The following CDKN2B-AS1 variants were observed in gnomAD, a reference collection of about 807,000 sequenced individuals.
CDKN2B-AS1 encodes CDKN2B and CDKN2A antisense cis and trans regulatory RNA 1, also known as CDKN2B antisense RNA 1 (non-protein coding).
intron 4 of CDKN2B-AS1, among the ~76,000 whole-genome samples, chr9:22,096,089 A>G (rs971958894): frequency 6.6e-6 from 1 of 152,260 alleles, no homozygotes; most frequent in Non-Finnish European, 1.5e-5. Context: ...TAGATAGGAG[A>G]TAGGGGTAGG....
rs1335552403 is a variant in CDKN2B-AS1, at chr9:22,081,893, T to C, written n.438+25506T>C. On this transcript the variant is annotated intron_variant and non_coding_transcript_variant, in intron 4 of 4. Transcript: ENST00000650946. ...TTTTGGGGTTGTTGTGTTCTACAAA[T>C]GTATTTTCCCAGGAGTTTTTTTTAC... Among the ~76,000 whole-genome samples the C allele has an allele frequency of 2.0e-5, 3 of 152,248 alleles. No individual in the cohort carries two copies. In the East Asian group the frequency reaches 5.8e-4, roughly 29 times the overall value.
At chr9:22,066,358 G>GT (rs1306252525) in intron 4 of CDKN2B-AS1, 1 of 151,638 alleles carries the variant, frequency 6.6e-6, no homozygotes, top group Admixed American at 6.6e-5. Context: ...TGCATGGTTA[G>GT]TTTTTTAATT....
intron 4 of CDKN2B-AS1, among the ~76,000 whole-genome samples, chr9:22,109,393 C>T (rs1825743543): frequency 6.6e-6 from 1 of 152,178 alleles, no homozygotes; most frequent in Non-Finnish European, 1.5e-5. Context: ...AAATCGCTGT[C>T]TCCCCTGACT....
chr9:22,054,690 ATTT>A (rs1223735603), intron 3 of CDKN2B-AS1, among the ~76,000 whole-genome samples: 1 of 149,310 alleles, frequency 6.7e-6, no homozygotes, highest in East Asian at 1.9e-4. Flanking sequence ...TTATTTTTTT[ATTT>A]TTTATTTATT....
At chr9:22,099,208 G>A (rs1241880410) in intron 4 of CDKN2B-AS1, among the ~76,000 whole-genome samples, 1 of 152,142 alleles carries the variant, frequency 6.6e-6, no homozygotes, top group African/African-American at 2.4e-5. Context: ...CTCCATTTTT[G>A]AGGAATAGCC....
chr9:22,067,152 A>G (rs887144513), intron 4 of CDKN2B-AS1, among the ~76,000 whole-genome samples: 4 of 152,054 alleles, frequency 2.6e-5, no homozygotes, highest in African/African-American at 9.7e-5. Flanking sequence ...AACATAGCAC[A>G]TGTATACATA....
chr9:22,105,585 A>G (rs1216461655), intron 4 of CDKN2B-AS1, among the ~76,000 whole-genome samples: 2 of 152,134 alleles, frequency 1.3e-5, no homozygotes, highest in Non-Finnish European at 2.9e-5. Context: ...TATGTCTGAA[A>G]AGAGAGACTC....
chr9:22,012,434 A>G, intron 1 of CDKN2B-AS1: 1 of 730,040 alleles, frequency 1.4e-6, no homozygotes. Context: ...CTGAAACAAG[A>G]TGATCTGCCA....
chr9:22,096,349 C>G (rs1825274331), intron 4 of CDKN2B-AS1: 1 of 152,188 alleles, frequency 6.6e-6, no homozygotes, highest in African/African-American at 2.4e-5. Context: ...TCATTCCTGA[C>G]TATGAACTTG....
intron 1 of CDKN2B-AS1, among the ~76,000 whole-genome samples, chr9:22,032,158 G>A (rs1453563492): frequency 2.0e-5 from 3 of 152,012 alleles, no homozygotes; most frequent in Admixed American, 6.6e-5. Context: ...TTTTTTGGGG[G>A]GAGAATGGTC....
chr9:22,041,976 A>T (rs186818810), intron 1 of CDKN2B-AS1, among the ~76,000 whole-genome samples: 1 of 152,116 alleles, frequency 6.6e-6, no homozygotes. Context: ...GCAGATTTGG[A>T]TGGTGAGAGC....
intron 1 of CDKN2B-AS1, among the ~76,000 whole-genome samples, chr9:21,998,937 TATAA>T (rs1377248076): frequency 2.0e-5 from 3 of 152,256 alleles, no homozygotes; most frequent in East Asian, 3.9e-4. Flanking sequence ...TACTAGACTA[TATAA>T]ATAAATACAT....
chr9:22,017,082 CT>C (rs891248899), intron 1 of CDKN2B-AS1, among the ~76,000 whole-genome samples: 2 of 152,122 alleles, frequency 1.3e-5, no homozygotes, highest in Non-Finnish European at 2.9e-5. Flanking sequence ...ATAATATTAA[CT>C]TTTTTTCAAA....
At chr9:22,054,681 TA>T (rs1823482652) in intron 3 of CDKN2B-AS1, among the ~76,000 whole-genome samples, 3 of 150,838 alleles carry the variant, frequency 2.0e-5, no homozygotes, top group South Asian at 4.1e-4. Context: ...TTTTTATTTT[TA>T]TTTTTTTATT....
rs1201794211 is a variant in CDKN2B-AS1, at chr9:22,061,176, TG to T, written n.438+4791del. On this transcript the variant is annotated intron_variant and non_coding_transcript_variant, in intron 4 of 4. Transcript: ENST00000650946. ...AACATTGGGGGAGAACTGAAATATT[TG>T]GCAAACAGCAACCATGACCATCACA... 5.3e-5 allele frequency among the ~76,000 whole-genome samples: 8 copies of T among 152,330 alleles called. No individual in the cohort carries two copies. The South Asian group carries it at 1.5e-3, about 28-fold the overall frequency.
At chr9:22,121,929 T>C (rs1329500078) in intron 4 of CDKN2B-AS1, among the ~76,000 whole-genome samples, 1 of 152,138 alleles carries the variant, frequency 6.6e-6, no homozygotes, top group Non-Finnish European at 1.5e-5. Context: ...GATTGCTCAA[T>C]CATACCATAG....
At chr9:22,116,499 C>G (rs562434069) in intron 4 of CDKN2B-AS1, among the ~76,000 whole-genome samples, 1 of 152,250 alleles carries the variant, frequency 6.6e-6, no homozygotes, top group South Asian at 2.1e-4. Flanking sequence ...GGATGAAAAT[C>G]GAGCAGGAAG....
At chr9:22,106,757 G>T (rs1047109394) in intron 4 of CDKN2B-AS1, among the ~76,000 whole-genome samples, 1 of 152,134 alleles carries the variant, frequency 6.6e-6, no homozygotes, top group Non-Finnish European at 1.5e-5. Flanking sequence ...TAATAGTAAG[G>T]TGGTAAAATA....
chr9:22,126,240 C>T lies in CDKN2B-AS1; in HGVS notation n.439-863C>T, dbSNP rs375723169. Among the ~76,000 whole-genome samples, 123 of 152,188 alleles carry T rather than the reference C, an allele frequency of 8.1e-4. 2 individuals are homozygous for T. The highest frequency in any genetic ancestry group is 2.7e-3 in the African/African-American group (112 of 41,512). ...AGTTCCAACCTATGTTTTTCCAGGG[C>T]AATCATACATCCATGTCCATATTCA... is the stretch of plus-strand genomic sequence containing the variant. On this transcript the variant is annotated intron_variant and non_coding_transcript_variant, in intron 4 of 4. Transcript: ENST00000650946.
Sources: allele counts gnomAD v4.1 joint callset (sites outside exome capture counted in the v4.1 genomes callset), GRCh38; gene constraint gnomAD v4.1.1; transcripts MANE v1.5; gene names NCBI Gene and HGNC (gene_info 2026-07-23, HGNC 2026-07-21).